Variants in MOB3B observed in about 807,000 individuals in gnomAD.
The protein encoded by MOB3B is MOB kinase activator-like 2B.
A neutral mutation model predicts 18.7 loss-of-function variants in MOB3B; 7 were observed. The ratio of observed to expected loss-of-function variants is 0.37; its 90% CI spans 0.21 to 0.70. The LOEUF (loss-of-function observed/expected upper bound fraction) is 0.70, where lower values mean the gene tolerates loss of function less well. Among genes scored for constraint, MOB3B ranks in the 30% least tolerant of loss-of-function variants. The pLI is 0.52. For missense variants in MOB3B, 253 were observed against 281.3 expected, an observed-to-expected ratio of 0.90 and a Z score of 0.72; for synonymous variants, 111 against 99.9, an observed-to-expected ratio of 1.11 and a Z score of -0.66.
chr9:27,427,435 G>A (rs148287013), intron 2 of MOB3B, among the ~76,000 whole-genome samples: 1 of 152,336 alleles, frequency 6.6e-6, no homozygotes, highest in East Asian at 1.9e-4. Context: ...AGAGATGTCT[G>A]CAAGGACAAG....
chr9:27,476,560 C>T (rs944531927), intron 1 of MOB3B, among the ~76,000 whole-genome samples: 1 of 152,158 alleles, frequency 6.6e-6, no homozygotes, highest in East Asian at 1.9e-4. Context: ...TCTGCAATAA[C>T]CCTGTTTTCA....
intron 1 of MOB3B, among the ~76,000 whole-genome samples, chr9:27,491,527 C>T (rs781223199): frequency 2.6e-5 from 4 of 152,158 alleles, no homozygotes; most frequent in Non-Finnish European, 4.4e-5. Context: ...AGACATATAT[C>T]TGTATCAACC....
chr9:27,363,667 C>T (rs1003689249), intron 2 of MOB3B, among the ~76,000 whole-genome samples: 2 of 151,998 alleles, frequency 1.3e-5, no homozygotes, highest in African/African-American at 2.4e-5. Context: ...GGCTTCAAAA[C>T]TCAGGCTCTT....
chr9:27,455,360 A>G lies in MOB3B; in HGVS notation c.191T>C (p.Val64Ala), dbSNP rs1822854083. ...EDQNDWVAVH[V>A]VDFFNRINLI... ...GTTGATCCGATTGAAGAAGTCCACC[A>G]CATGTACTGCCACCCAGTCATTCTG... The change falls in exon 2 of 4, where the codon GTG becomes GCG. Residue 64 changes from valine to alanine, a missense_variant. By Grantham distance (64) the Val-to-Ala change is moderately conservative (BLOSUM62 0). Transcript: ENST00000262244. 3 of 1,614,156 alleles carry G rather than the reference A, an allele frequency of 1.9e-6. No homozygotes were observed. Among genetic ancestry groups the G allele is most frequent in the African/African-American group, 1.3e-5 (1 of 75,044 alleles).
At chr9:27,421,810 C>T (rs1283566023) in intron 2 of MOB3B, 5 of 152,318 alleles carry the variant, frequency 3.3e-5, no homozygotes, top group African/African-American at 1.2e-4. Flanking sequence ...GGAGGGTTTG[C>T]TTCTTATGTC....
intron 3 of MOB3B, among the ~76,000 whole-genome samples, chr9:27,356,294 G>C (rs888119329): frequency 6.6e-6 from 1 of 152,048 alleles, no homozygotes; most frequent in Non-Finnish European, 1.5e-5. Context: ...AACTTCTGGG[G>C]AAAAAAACCT....
chr9:27,423,334 A>T (rs1000285175), intron 2 of MOB3B, among the ~76,000 whole-genome samples: 4 of 151,746 alleles, frequency 2.6e-5, no homozygotes, highest in African/African-American at 7.3e-5. Context: ...TAAATATAAC[A>T]GTTTTACCTG....
At chr9:27,498,026 G>A (rs528972717) in intron 1 of MOB3B, among the ~76,000 whole-genome samples, 4 of 152,318 alleles carry the variant, frequency 2.6e-5, no homozygotes, top group African/African-American at 9.6e-5. Flanking sequence ...TCGGATAGCA[G>A]GATAATAGAA....
chr9:27,334,981 G>A (rs765668039), intron 3 of MOB3B, among the ~76,000 whole-genome samples: 4 of 152,102 alleles, frequency 2.6e-5, no homozygotes, highest in Non-Finnish European at 5.9e-5. Flanking sequence ...CCGCCACCAC[G>A]CCCGGCTAAT....
intron 3 of MOB3B, among the ~76,000 whole-genome samples, chr9:27,349,340 G>C (rs921837084): frequency 1.3e-5 from 2 of 152,172 alleles, no homozygotes; most frequent in Non-Finnish European, 2.9e-5. Context: ...TGCCTTTATT[G>C]TGGTGGGACA....
chr9:27,488,627 C>T lies in MOB3B; in HGVS notation c.-198-32879G>A, dbSNP rs149682568. ...TTCACCACATTGGCCAGGCTGGTCT[C>T]GAACTCCTGACCTTACGTGGTCTAC... On this transcript the variant is annotated intron_variant, in intron 1 of 3. Transcript: ENST00000262244. Among the ~76,000 whole-genome samples the T allele has an allele frequency of 7.8e-3, 1,193 of 152,206 alleles. 9 individuals carry two copies. Among genetic ancestry groups the T allele is most frequent in the Non-Finnish European group, 9.9e-3 (675 of 68,000 alleles).
At chr9:27,358,017 T>C (rs1316525087) in intron 3 of MOB3B, among the ~76,000 whole-genome samples, 1 of 151,256 alleles carries the variant, frequency 6.6e-6, no homozygotes, top group East Asian at 1.9e-4. Context: ...TTAGCTATGA[T>C]CTTGCCATTG....
intron 3 of MOB3B, among the ~76,000 whole-genome samples, chr9:27,350,638 A>G (rs1438501638): frequency 6.6e-6 from 1 of 152,212 alleles, no homozygotes; most frequent in African/African-American, 2.4e-5. Context: ...GCATAAGGCA[A>G]TTCATTGGAA....
chr9:27,391,161 G>C (rs571335698), intron 2 of MOB3B, among the ~76,000 whole-genome samples: 3 of 152,202 alleles, frequency 2.0e-5, no homozygotes, highest in Non-Finnish European at 4.4e-5. Flanking sequence ...TTTCTGAAAC[G>C]AGGTCTTGGG....
In MOB3B at chr9:27,529,756, C is replaced by A. The variant is rs912484199; in HGVS notation, c.-400G>T. The A allele has an allele frequency of 1.3e-5, 13 of 985,450 alleles. No homozygotes were observed. The highest frequency in any genetic ancestry group is 1.4e-5 in the Non-Finnish European group (12 of 829,960). The allele number at this position is 985,450 out of a possible 1,614,324, so 61.0% of individuals were successfully genotyped here. ...GCCTGGCTCCAGCTGCAGCCGCCGT[C>A]GCTCCGGAGCAGCCCCCTCATGCAC... On this transcript the variant is annotated 5_prime_UTR_variant, in exon 1 of 4. Transcript: ENST00000262244.
At chr9:27,394,948 G>T (rs901817739) in intron 2 of MOB3B, among the ~76,000 whole-genome samples, 1 of 152,210 alleles carries the variant, frequency 6.6e-6, no homozygotes, top group African/African-American at 2.4e-5. Context: ...TGAGCCAGCA[G>T]CTCTATTAGA....
chr9:27,386,475 C>T (rs1821651526), intron 2 of MOB3B, among the ~76,000 whole-genome samples: 2 of 152,214 alleles, frequency 1.3e-5, no homozygotes, highest in Admixed American at 6.5e-5. Flanking sequence ...TTTGTTGATG[C>T]AAATTTTCGA....
chr9:27,331,040 G>C (rs796489059), intron 3 of MOB3B, among the ~76,000 whole-genome samples: 15 of 152,264 alleles, frequency 9.9e-5, no homozygotes, highest in African/African-American at 3.1e-4. Context: ...TGGACTGCTA[G>C]TTTTCTTCGA....
intron 1 of MOB3B, among the ~76,000 whole-genome samples, chr9:27,486,265 G>A (rs924137570): frequency 5.9e-5 from 9 of 152,188 alleles, no homozygotes; most frequent in Non-Finnish European, 1.2e-4. Context: ...AACTTCCAAC[G>A]CAGGAGGACC....
Sources: gnomAD v4.1 joint callset for allele counts (sites outside exome capture counted in the v4.1 genomes callset) on GRCh38, gnomAD v4.1.1 for gene constraint, MANE v1.5 for transcripts, NCBI Gene and HGNC (gene_info 2026-07-23, HGNC 2026-07-21) for gene names.